The following ETV5 variants were observed in gnomAD, a reference collection of about 807,000 sequenced individuals.
ETV5 encodes ETS translocation variant 5.
A neutral mutation model predicts 70.0 loss-of-function variants in ETV5; 10 were observed. That is an observed-to-expected ratio of 0.14 (90% CI 0.09 to 0.24). The LOEUF (loss-of-function observed/expected upper bound fraction) is 0.24, where lower values mean the gene tolerates loss of function less well. ETV5 is among the 10% of genes least tolerant of loss of function. ETV5 has a pLI of 1.00. For missense variants in ETV5, 453 were observed against 651.2 expected, an observed-to-expected ratio of 0.70 and a Z score of 3.31; for synonymous variants, 216 against 242.2, an observed-to-expected ratio of 0.89 and a Z score of 1.01.
At chr3:186,075,486 T>A (rs949361716) in intron 7 of ETV5, among the ~76,000 whole-genome samples, 6 of 152,214 alleles carry the variant, frequency 3.9e-5, no homozygotes, top group African/African-American at 9.6e-5. Context: ...AACGAGTATA[T>A]AAAATCTCTT....
Position 186,065,856 on chromosome 3 carries a change from T to G in ETV5, c.867A>C (p.Pro289=), listed in dbSNP as rs1475576087. The change falls in exon 8 of 13, where the codon CCA becomes CCC. Residue 289 remains proline (P), a synonymous_variant. Transcript: ENST00000306376. Reference sequence around the variant, plus strand: ...CCCGAGGCTCCTGCTTGATTCCCATTGGTGACTGGAACCCGTGTGCTGGGG... The same window carrying G: ...CCCGAGGCTCCTGCTTGATTCCCATGGGTGACTGGAACCCGTGTGCTGGGG... ...PGPPAHGFQS[P]MGIKQEPRDY... The G allele has an allele frequency of 1.2e-6, 2 of 1,614,060 alleles. No individual in the cohort carries two copies. Among genetic ancestry groups the G allele is most frequent in the East Asian group, 4.5e-5 (2 of 44,862 alleles).
At chr3:186,091,038 T>C (rs540298378) in intron 5 of ETV5, among the ~76,000 whole-genome samples, 2 of 152,312 alleles carry the variant, frequency 1.3e-5, no homozygotes, top group South Asian at 2.1e-4. Context: ...AGGCCCTCCA[T>C]ACGACTCATA....
At chr3:186,092,062 T>C (rs1714194750) in intron 5 of ETV5, among the ~76,000 whole-genome samples, 1 of 152,216 alleles carries the variant, frequency 6.6e-6, no homozygotes. Flanking sequence ...AGGAATTTTG[T>C]TGGTGAGTGC....
intron 5 of ETV5, among the ~76,000 whole-genome samples, chr3:186,099,894 A>G (rs967997581): frequency 6.6e-6 from 1 of 152,232 alleles, no homozygotes; most frequent in Admixed American, 6.5e-5. Context: ...TGGTAAGCCT[A>G]CTGGGTTTTG....
chr3:186,073,098 C>T (rs1399077856), intron 7 of ETV5, among the ~76,000 whole-genome samples: 4 of 152,186 alleles, frequency 2.6e-5, no homozygotes, highest in Non-Finnish European at 4.4e-5. Flanking sequence ...CACCACTGCA[C>T]TCCAGCCTGT....
At chr3:186,067,515 G>A (rs998471733) in intron 7 of ETV5, among the ~76,000 whole-genome samples, 4 of 152,060 alleles carry the variant, frequency 2.6e-5, no homozygotes, top group Non-Finnish European at 4.4e-5. Context: ...AGGAGGCTGC[G>A]GCATCAGAAT....
At chr3:186,077,321 G>A (rs1340695056) in intron 7 of ETV5, among the ~76,000 whole-genome samples, 1 of 152,138 alleles carries the variant, frequency 6.6e-6, no homozygotes, top group African/African-American at 2.4e-5. Context: ...CCCCACTTTT[G>A]GGCAGGCATA....
At chr3:186,096,875 T>C (rs1157715839) in intron 5 of ETV5, among the ~76,000 whole-genome samples, 1 of 152,010 alleles carries the variant, frequency 6.6e-6, no homozygotes, top group African/African-American at 2.4e-5. Context: ...GGTAAGATGT[T>C]GGAGGATGTT....
intron 1 of ETV5, among the ~76,000 whole-genome samples, chr3:186,107,971 G>A (rs1162125569): frequency 2.0e-5 from 3 of 146,764 alleles, no homozygotes; most frequent in Non-Finnish European, 3.0e-5. Context: ...GTTTTAGGAA[G>A]AAAGCTCAAT....
chr3:186,053,868 C>A (rs1181037310), intron 11 of ETV5, among the ~76,000 whole-genome samples: 1 of 152,238 alleles, frequency 6.6e-6, no homozygotes, highest in African/African-American at 2.4e-5. Flanking sequence ...CTGTTCAAAG[C>A]AATGATGCCT....
intron 7 of ETV5, among the ~76,000 whole-genome samples, chr3:186,069,536 A>G (rs1429609249): frequency 2.6e-5 from 4 of 151,934 alleles, no homozygotes; most frequent in Admixed American, 6.6e-5. Flanking sequence ...AAGTCTAAAA[A>G]AAGACTTAAA....
rs754344209 is a variant in ETV5, at chr3:186,079,882, T to C, written c.585A>G (p.Arg195=). 2 of 1,582,824 alleles carry C rather than the reference T, an allele frequency of 1.3e-6. No homozygotes were observed. The highest frequency in any genetic ancestry group is 1.4e-5 in the African/African-American group (1 of 71,126). The part of the protein sequence containing the change: ...GPQQQTFAVP[R]PPHQPLQMPK... The stretch of plus-strand genomic sequence containing the variant: ...GCATCTGCAGGGGCTGATGTGGTGG[T>C]CGGGGGACCGCAAATGTTTGCTGCT... The change falls in exon 7 of 13, where the codon CGA becomes CGG. Residue 195 remains arginine, a synonymous_variant. Coordinates refer to ENST00000306376, the MANE Select transcript of ETV5 (RefSeq NM_004454.3).
rs1714546918 is a variant in ETV5 at position 186,104,752 on chromosome 3, T to C, written c.232+553A>G. On this transcript the variant is annotated intron_variant, in intron 5 of 12. Coordinates refer to ENST00000306376, the MANE Select transcript of ETV5 (RefSeq NM_004454.3). The stretch of plus-strand genomic sequence containing the variant: ...AAGCTTTGCAATATTCTTTTTTTTT[T>C]TTTTTTTGAGATGGAGTCTTGCTCT... 2.0e-5 allele frequency among the ~76,000 whole-genome samples: 3 copies of C among 151,514 alleles called. No homozygotes were observed. The South Asian group carries it at 6.3e-4, about 32-fold the overall frequency.
intron 5 of ETV5, among the ~76,000 whole-genome samples, chr3:186,087,301 A>C (rs1319843330): frequency 6.6e-6 from 1 of 152,166 alleles, no homozygotes; most frequent in Admixed American, 6.5e-5. Context: ...AGACAAAACT[A>C]ATCTATGGTG....
chr3:186,081,488 C>T (rs1713933603), intron 5 of ETV5, among the ~76,000 whole-genome samples: 1 of 152,196 alleles, frequency 6.6e-6, no homozygotes, highest in South Asian at 2.1e-4. Flanking sequence ...TAATGGGTCT[C>T]CACCAAAAAT....
intron 5 of ETV5, among the ~76,000 whole-genome samples, chr3:186,099,753 C>A (rs923821186): frequency 1.3e-5 from 2 of 152,140 alleles, no homozygotes; most frequent in African/African-American, 4.8e-5. Flanking sequence ...CTGAAGAATG[C>A]TGAAAGAGGA....
rs369930193 is a variant in ETV5 at position 186,046,671 on chromosome 3, AAAG to A, written c.*1965_*1967del. On this transcript the variant is annotated 3_prime_UTR_variant, in exon 13 of 13. Coordinates refer to ENST00000306376, the MANE Select transcript of ETV5 (RefSeq NM_004454.3). ...TGCTAAGACAGCATAAATCCATTCAAAAGAAAAAAAAAAAAAATCCAAACCAGG... is the reference window on the plus strand; with the variant it reads ...TGCTAAGACAGCATAAATCCATTCAAAAAAAAAAAAAAAATCCAAACCAGG... 2,395 of 192,066 alleles carry A rather than the reference AAAG, an allele frequency of 0.012. 14 individuals are homozygous for A. The highest frequency in any genetic ancestry group is 0.033 in the African/African-American group (1,000 of 30,318). 11.9% of individuals were successfully genotyped at this position (192,066 alleles called of 1,614,324 possible). A position where few individuals can be genotyped will look rare whatever the true frequency, so the allele number is the denominator to read the frequency against.
In ETV5 at chr3:186,052,777, A is replaced by G. The variant is rs1713064373; in HGVS notation, c.1210-646T>C. Among the ~76,000 whole-genome samples the G allele has an allele frequency of 2.0e-5, 3 of 152,188 alleles. No individual in the cohort carries two copies. On this transcript the variant is annotated intron_variant, in intron 11 of 12. Transcript: ENST00000306376. The surrounding 1 kb of genome is among the most constrained non-coding windows in gnomAD (Gnocchi z 4.5). ...GGCTTTCCAAACAGTTCTGAAATGC[A>G]TTATATCCAACCCAGTCCACCTGAG...
At chr3:186,080,946 G>C in intron 6 of ETV5, 100 bp downstream of exon 6, 1 of 1,392,140 alleles carries the variant, frequency 7.2e-7, no homozygotes. Flanking sequence ...TTTACCACAG[G>C]GTCTGCTGGG....
Sources: allele counts gnomAD v4.1 joint callset (sites outside exome capture counted in the v4.1 genomes callset), GRCh38; gene constraint gnomAD v4.1.1; non-coding constraint Gnocchi (gnomAD v3.1); transcripts MANE v1.5; gene names NCBI Gene and HGNC (gene_info 2026-07-23, HGNC 2026-07-21).